MRPS28: variants seen among roughly 807,000 people sequenced by gnomAD.
The protein encoded by MRPS28 is mitochondrial ribosomal protein S28, also known as small ribosomal subunit protein bS1m.
A neutral mutation model predicts 10.8 loss-of-function variants in MRPS28; 7 were observed. That is an observed-to-expected ratio of 0.65 (90% confidence interval 0.37 to 1.22). The LOEUF is 1.22. Ranked by LOEUF, MRPS28 falls within the 50% of genes most tolerant of loss-of-function variation. MRPS28 has a pLI of 0.02. For missense variants in MRPS28, 265 were observed against 232.9 expected, an observed-to-expected ratio of 1.14 and a Z score of -0.90; for synonymous variants, 121 against 93.3, an observed-to-expected ratio of 1.30 and a Z score of -1.71.
intron 2 of MRPS28, among the ~76,000 whole-genome samples, chr8:79,938,406 C>G (rs1806665739): frequency 6.8e-6 from 1 of 147,702 alleles, no homozygotes; most frequent in Non-Finnish European, 1.5e-5. Context: ...CCACCCTGTT[C>G]TCTCTGATTG....
At chr8:80,015,019 C>A (rs1347902177) in intron 1 of MRPS28, among the ~76,000 whole-genome samples, 1 of 152,100 alleles carries the variant, frequency 6.6e-6, no homozygotes. Context: ...GGAACCAGTG[C>A]CGAGGTAGGG....
intron 1 of MRPS28, 122 bp from the exon 2 acceptor site, chr8:80,003,302 GCTTTAAAAT>G: frequency 1.4e-6 from 1 of 703,660 alleles, no homozygotes. Flanking sequence ...GTGGAATTTT[GCTTTAAAAT>G]GCCAGTTATG....
intron 1 of MRPS28, among the ~76,000 whole-genome samples, chr8:80,015,938 GA>G (rs199676855): frequency 3.6e-5 from 5 of 139,946 alleles, no homozygotes; most frequent in African/African-American, 7.8e-5. Context: ...CACAGCTGAG[GA>G]AAAAAAAAAA....
At chr8:79,934,434 A>C (rs1806551804) in intron 2 of MRPS28, among the ~76,000 whole-genome samples, 1 of 152,186 alleles carries the variant, frequency 6.6e-6, no homozygotes, top group Non-Finnish European at 1.5e-5. Context: ...AATTCATTCA[A>C]TATTATATAA....
chr8:79,986,594 A>T (rs1468773289), intron 2 of MRPS28, among the ~76,000 whole-genome samples: 3 of 152,220 alleles, frequency 2.0e-5, no homozygotes, highest in Admixed American at 2.0e-4. Context: ...ATACAAAATC[A>T]ATGTGCAAAA....
chr8:80,007,618 T>C (rs1209905532), intron 1 of MRPS28, among the ~76,000 whole-genome samples: 3 of 152,014 alleles, frequency 2.0e-5, no homozygotes, highest in Non-Finnish European at 4.4e-5. Context: ...AGCATTCTTA[T>C]ACACCAATAA....
intron 2 of MRPS28, among the ~76,000 whole-genome samples, chr8:79,923,735 C>T (rs1262769880): frequency 2.0e-5 from 3 of 152,140 alleles, no homozygotes; most frequent in Admixed American, 1.3e-4. Flanking sequence ...TCTGACTGAT[C>T]TTTGTGAACT....
At chr8:79,944,365 C>A (rs1806845926) in intron 2 of MRPS28, among the ~76,000 whole-genome samples, 1 of 152,144 alleles carries the variant, frequency 6.6e-6, no homozygotes. Flanking sequence ...TTGGTCAGAG[C>A]CTCTCTTAGG....
At chr8:80,005,136 C>T (rs1386850870) in intron 1 of MRPS28, among the ~76,000 whole-genome samples, 9 of 152,056 alleles carry the variant, frequency 5.9e-5, no homozygotes, top group East Asian at 1.9e-4. Context: ...ATACAGAGAA[C>T]GCCACAAAGA....
At chr8:80,018,161 C>T (rs572453699) in intron 1 of MRPS28, among the ~76,000 whole-genome samples, 424 of 151,952 alleles carry the variant, frequency 2.8e-3, no homozygotes, top group Middle Eastern at 6.8e-3. Context: ...GGCATGGTGG[C>T]AGGCGCCTGT....
intron 2 of MRPS28, among the ~76,000 whole-genome samples, chr8:79,989,057 G>A (rs895342077): frequency 6.6e-6 from 1 of 152,194 alleles, no homozygotes; most frequent in Non-Finnish European, 1.5e-5. Flanking sequence ...CTAGTGGGCA[G>A]GTAACCAGAT....
intron 1 of MRPS28, among the ~76,000 whole-genome samples, chr8:80,017,565 C>T (rs1809229054): frequency 6.6e-6 from 1 of 152,154 alleles, no homozygotes; most frequent in Non-Finnish European, 1.5e-5. Flanking sequence ...AACAGATAAT[C>T]TGAATAGGCC....
intron 2 of MRPS28, among the ~76,000 whole-genome samples, chr8:79,928,936 C>T (rs1005393765): frequency 6.6e-6 from 1 of 152,230 alleles, no homozygotes; most frequent in Admixed American, 6.5e-5. Context: ...GTCCCAGCTA[C>T]TTGAGAAGCT....
At chr8:79,936,742 A>G (rs1331104163) in intron 2 of MRPS28, among the ~76,000 whole-genome samples, 1 of 152,244 alleles carries the variant, frequency 6.6e-6, no homozygotes, top group Non-Finnish European at 1.5e-5. Context: ...TATGATGGCA[A>G]CCCTTTTAAA....
intron 2 of MRPS28, among the ~76,000 whole-genome samples, chr8:79,934,100 T>A (rs2129907287): frequency 6.6e-6 from 1 of 152,316 alleles, no homozygotes; most frequent in Middle Eastern, 3.4e-3. Flanking sequence ...AGTAAATGAA[T>A]GTTGGTTTAA....
At chr8:79,954,371 ACT>A (rs1038675207) in intron 2 of MRPS28, among the ~76,000 whole-genome samples, 1 of 152,136 alleles carries the variant, frequency 6.6e-6, no homozygotes, top group African/African-American at 2.4e-5. Flanking sequence ...ACTCATGGAA[ACT>A]CTGTTCCAAA....
chr8:79,953,322 C>A (rs1025239511), intron 2 of MRPS28, among the ~76,000 whole-genome samples: 4 of 152,144 alleles, frequency 2.6e-5, no homozygotes, highest in Non-Finnish European at 5.9e-5. Flanking sequence ...GAGGGTTCTA[C>A]CAGAAACTCT....
At chr8:79,930,364 T>G (rs1806430880) in intron 2 of MRPS28, among the ~76,000 whole-genome samples, 1 of 152,232 alleles carries the variant, frequency 6.6e-6, no homozygotes, top group Non-Finnish European at 1.5e-5. Flanking sequence ...CTGTCAGTGT[T>G]GTACTTTTGA....
intron 2 of MRPS28, among the ~76,000 whole-genome samples, chr8:79,964,546 T>C (rs1807455949): frequency 6.6e-6 from 1 of 152,116 alleles, no homozygotes. Context: ...GTTTTGGAAT[T>C]AGACTATGTT....
Sources: allele counts gnomAD v4.1 joint callset (sites outside exome capture counted in the v4.1 genomes callset), GRCh38; gene constraint gnomAD v4.1.1; transcripts MANE v1.5; gene names NCBI Gene and HGNC (gene_info 2026-07-23, HGNC 2026-07-21).